EREG: variants seen among roughly 807,000 people sequenced by gnomAD.
EREG encodes the protein epiregulin.
Under a neutral mutation model 22.4 loss-of-function variants are expected in EREG, and 23 were observed. The ratio of observed to expected loss-of-function variants is 1.03; its 90% CI spans 0.74 to 1.46. The LOEUF is 1.46. Ranked by LOEUF, EREG falls within the 40% of genes most tolerant of loss-of-function variation. The pLI, the probability that EREG is intolerant of heterozygous loss-of-function variation, is 0.00. For synonymous variants in EREG, 100 were observed against 75.4 expected, an observed-to-expected ratio of 1.33 and a Z score of -1.69; for missense variants, 226 against 205.9, an observed-to-expected ratio of 1.10 and a Z score of -0.60.
rs572498771 is a variant in EREG, at chr4:74,387,569, G to A, written c.*2761G>A. 2 of 152,212 alleles carry A rather than the reference G, an allele frequency of 1.3e-5. No homozygotes were observed. Among genetic ancestry groups the A allele is most frequent in the African/African-American group, 2.4e-5 (1 of 41,522 alleles). The allele number at this position is 152,212 out of a possible 1,614,324, so 9.4% of individuals were successfully genotyped here. A position where few individuals can be genotyped will look rare whatever the true frequency, so the allele number is the denominator to read the frequency against. Reference sequence around the variant, plus strand: ...AAGTATGACCCACATTACTTTTTATGGGTGAAAATAAGACAAAAATAATAG... The same window carrying A: ...AAGTATGACCCACATTACTTTTTATAGGTGAAAATAAGACAAAAATAATAG... On this transcript the variant is annotated 3_prime_UTR_variant, in exon 5 of 5. Coordinates refer to ENST00000244869, the MANE Select transcript of EREG (RefSeq NM_001432.3).
chr4:74,372,413 G>T (rs1003715861), intron 1 of EREG, among the ~76,000 whole-genome samples: 8 of 152,274 alleles, frequency 5.3e-5, no homozygotes, highest in East Asian at 1.9e-4. Flanking sequence ...CATCTACAGA[G>T]AATACAATAT....
rs60657787 is a variant in EREG, at chr4:74,372,801, CTTTTTTTTTTTT to C, written c.68-6633_68-6622del. On this transcript the variant is annotated intron_variant, in intron 1 of 4. Transcript: ENST00000244869. ...AACACTCAGATTAATTTAAATTGTA[CTTTTTTTTTTTT>C]TTTTTTTTTTTTTGAAACAGAGTCT... Among the ~76,000 whole-genome samples, 6 of 71,906 alleles carry C rather than the reference CTTTTTTTTTTTT, an allele frequency of 8.3e-5. 1 individual carries two copies. The highest frequency in any genetic ancestry group is 2.9e-4 in the African/African-American group (5 of 17,218). The allele number at this position is 71,906 out of a possible 152,430, so 47.2% of individuals were successfully genotyped here.
chr4:74,371,921 T>G (rs1189042693), intron 1 of EREG, among the ~76,000 whole-genome samples: 1 of 152,010 alleles, frequency 6.6e-6, no homozygotes, highest in Non-Finnish European at 1.5e-5. Context: ...CTTACCACCC[T>G]TAGGTGTCCA....
intron 1 of EREG, among the ~76,000 whole-genome samples, chr4:74,369,379 C>T (rs1429222603): frequency 1.3e-5 from 2 of 151,946 alleles, no homozygotes; most frequent in African/African-American, 4.8e-5. Flanking sequence ...GTACATAGTA[C>T]ATAGTACATA....
chr4:74,368,065 G>A (rs139175086), intron 1 of EREG, among the ~76,000 whole-genome samples: 134 of 152,296 alleles, frequency 8.8e-4, no homozygotes, highest in South Asian at 3.9e-3. Context: ...AGGTCACTCT[G>A]TGATAATGAG....
intron 1 of EREG, among the ~76,000 whole-genome samples, chr4:74,367,460 T>A (rs1190891115): frequency 6.6e-6 from 1 of 152,248 alleles, no homozygotes; most frequent in East Asian, 1.9e-4. Context: ...GAGAGGAGGA[T>A]AAATTTTTAT....
At chr4:74,369,509 C>T (rs200821976) in intron 1 of EREG, among the ~76,000 whole-genome samples, 2 of 152,126 alleles carry the variant, frequency 1.3e-5, no homozygotes, top group Non-Finnish European at 2.9e-5. Context: ...CTGCGAAAGA[C>T]ATTATTTCAT....
intron 3 of EREG, 141 bp downstream of exon 3, chr4:74,381,278 C>T: frequency 1.5e-6 from 1 of 660,696 alleles, no homozygotes; most frequent in Non-Finnish European, 2.5e-6. Flanking sequence ...AAATAGTGTG[C>T]ATGGAACCCA....
chr4:74,386,201 T>C lies in EREG; in HGVS notation c.*1393T>C. Reference sequence around the variant, plus strand: ...AGGCTCCTTCATCGAATGCTAAACCTTTGAGTAGAGTCTCCCTGGATCACA... The same window carrying C: ...AGGCTCCTTCATCGAATGCTAAACCCTTGAGTAGAGTCTCCCTGGATCACA... On this transcript the variant is annotated 3_prime_UTR_variant, in exon 5 of 5. Coordinates refer to ENST00000244869, the MANE Select transcript of EREG (RefSeq NM_001432.3). 5.6e-6 allele frequency: 1 copy of C among 178,846 alleles called. No homozygotes were observed. The highest frequency in any genetic ancestry group is 1.2e-5 in the Non-Finnish European group (1 of 85,870). The allele number at this position is 178,846 out of a possible 1,614,324, so 11.1% of individuals were successfully genotyped here.
At chr4:74,368,312 A>T (rs1244625290) in intron 1 of EREG, among the ~76,000 whole-genome samples, 1 of 152,252 alleles carries the variant, frequency 6.6e-6, no homozygotes, top group East Asian at 1.9e-4. Context: ...TCTAATCAAC[A>T]CAGTTCCCCT....
chr4:74,372,616 T>C (rs975091771), intron 1 of EREG, among the ~76,000 whole-genome samples: 11 of 151,942 alleles, frequency 7.2e-5, no homozygotes, highest in African/African-American at 2.4e-4. Context: ...TGGAAGGGAG[T>C]CAAGGTAGAA....
In EREG at chr4:74,382,696, C is replaced by G. The variant is rs755389323; in HGVS notation, c.330C>G (p.Val110=). 1.2e-5 allele frequency: 20 copies of G among 1,613,208 alleles called. 1 individual carries two copies. Among genetic ancestry groups the G allele is most frequent in the Admixed American group, 3.3e-5 (2 of 59,970 alleles). Residue 110 remains valine (V), a synonymous_variant, in exon 4 of 5, where the codon GTC becomes GTG. Transcript: ENST00000244869. ...GVRCEHFFLT[V]HQPLSKEYVA... ...GATGTGAACACTTCTTTTTAACCGT[C>G]CACCAACCTTTAAGCAAAGAATATG... is the stretch of plus-strand genomic sequence containing the variant.
In EREG at chr4:74,379,467, A is replaced by C; in HGVS notation, c.87A>C (p.Ala29=). ...LLCLGFHLLQ[A]VLSTTVIPSC... is the part of the protein sequence containing the mutation. ...AAATAGGTTTCCATCTTCTACAGGC[A>C]GTCCTCAGTACAACTGTGATTCCAT... Residue 29 remains alanine, a synonymous_variant, in exon 2 of 5, where the codon GCA becomes GCC. Coordinates refer to ENST00000244869, the MANE Select transcript of EREG (RefSeq NM_001432.3). 1 of 1,608,664 alleles carries C rather than the reference A, an allele frequency of 6.2e-7. No homozygotes were observed. Among genetic ancestry groups the C allele is most frequent in the South Asian group, 1.1e-5 (1 of 90,960 alleles).
chr4:74,371,416 T>C (rs1037557203), intron 1 of EREG, among the ~76,000 whole-genome samples: 2 of 152,232 alleles, frequency 1.3e-5, no homozygotes, highest in Non-Finnish European at 2.9e-5. Flanking sequence ...TCATGAATAC[T>C]GTCTCTGATT....
intron 2 of EREG, 96 bp from the exon 3 acceptor site, chr4:74,380,918 T>C: frequency 2.3e-6 from 3 of 1,331,378 alleles, no homozygotes; most frequent in Non-Finnish European, 3.1e-6. Context: ...ATCTGACTTG[T>C]TGTGTAGAAG....
At chr4:74,365,936 G>A (rs867086418) in intron 1 of EREG, among the ~76,000 whole-genome samples, 1 of 152,120 alleles carries the variant, frequency 6.6e-6, no homozygotes, top group East Asian at 1.9e-4. Context: ...CTGGTCGAGG[G>A]TATCTGGAGC....
intron 1 of EREG, among the ~76,000 whole-genome samples, chr4:74,377,467 T>C (rs1015209673): frequency 6.6e-6 from 1 of 152,202 alleles, no homozygotes; most frequent in Non-Finnish European, 1.5e-5. Context: ...TTATTTAAAC[T>C]CTTTATGCTT....
intron 4 of EREG, among the ~76,000 whole-genome samples, chr4:74,384,214 C>T (rs539782586): frequency 4.1e-4 from 62 of 152,112 alleles, no homozygotes; most frequent in African/African-American, 1.3e-3. Context: ...ATGGTAACAG[C>T]AAATGTGAGA....
Position 74,365,276 on chromosome 4 carries a change from T to A in EREG, c.-33T>A. On this transcript the variant is annotated 5_prime_UTR_variant, in exon 1 of 5. Coordinates refer to ENST00000244869, the MANE Select transcript of EREG (RefSeq NM_001432.3). ...GCCCGTGCACTCTCCGCAGCCGCCC[T>A]CCGCCAAGCCCCAGCGCCCGCTCCC... 1 of 1,584,804 alleles carries A rather than the reference T, an allele frequency of 6.3e-7. No individual in the cohort carries two copies. Among genetic ancestry groups the A allele is most frequent in the African/African-American group, 1.3e-5 (1 of 74,686 alleles).
Sources: allele counts gnomAD v4.1 joint callset (sites outside exome capture counted in the v4.1 genomes callset), GRCh38; gene constraint gnomAD v4.1.1; transcripts MANE v1.5; gene names NCBI Gene and HGNC (gene_info 2026-07-23, HGNC 2026-07-21).